The following LINGO2 variants were observed in gnomAD, a reference collection of about 807,000 sequenced individuals.
The protein encoded by LINGO2 is leucine rich repeat and Ig domain containing 2.
In LINGO2, 14 loss-of-function variants were observed where a neutral mutation model predicts 30.6. The ratio of observed to expected loss-of-function variants is 0.46; its 90% confidence interval spans 0.30 to 0.72. The LOEUF (loss-of-function observed/expected upper bound fraction) is 0.72. LINGO2 is among the 30% of genes least tolerant of loss of function. The pLI, the probability that LINGO2 is intolerant of heterozygous loss-of-function variation, is 0.07. For synonymous variants in LINGO2, 317 were observed against 288.5 expected (o/e 1.10, Z -1.00); for missense variants, 729 against 751.7 (o/e 0.97, Z 0.35).
At chr9:27,946,358 C>T (rs546155181), downstream of LINGO2, among the ~76,000 whole-genome samples, 19 of 152,074 alleles carry the variant, frequency 1.2e-4, no homozygotes, top group African/African-American at 4.1e-4. Context: ...AGTATGGGAC[C>T]GCTGAGAAAA....
chr9:29,126,253 G>T, the LINGO2 span, among the ~76,000 whole-genome samples: 894 of 136,726 alleles, frequency 6.5e-3, 8 homozygotes, highest in African/African-American at 0.023. Context: ...ATGTGGTTAA[G>T]TGTCAGATCC....
intron 1 of LINGO2, among the ~76,000 whole-genome samples, chr9:28,612,069 TTC>T (rs1675664316): frequency 6.6e-6 from 1 of 151,914 alleles, no homozygotes; most frequent in African/African-American, 2.4e-5. Flanking sequence ...ACGCCTGGGC[TTC>T]TTTTTTATTT....
At chr9:28,848,094 C>T in the LINGO2 span, among the ~76,000 whole-genome samples, 25 of 32,568 alleles carry the variant, frequency 7.7e-4, no homozygotes, top group South Asian at 2.8e-3. Flanking sequence ...ACTATATATA[C>T]GCATAGTGTA....
At chr9:29,186,859 A>C in the LINGO2 span, among the ~76,000 whole-genome samples, 3 of 152,162 alleles carry the variant, frequency 2.0e-5, no homozygotes, top group Non-Finnish European at 4.4e-5. Context: ...GAGATAAGAC[A>C]CACAGCATAG....
the LINGO2 span, among the ~76,000 whole-genome samples, chr9:29,112,925 A>G: frequency 2.0e-5 from 3 of 152,216 alleles, no homozygotes; most frequent in Non-Finnish European, 2.9e-5. Flanking sequence ...GGAAGATACT[A>G]ATATCATCCC....
intron 2 of LINGO2, among the ~76,000 whole-genome samples, chr9:28,392,707 C>G (rs1266707763): frequency 6.6e-6 from 1 of 152,034 alleles, no homozygotes; most frequent in African/African-American, 2.4e-5. Context: ...GTGACCAGTC[C>G]CATGTTGAGA....
chr9:28,831,386 C>T, the LINGO2 span, among the ~76,000 whole-genome samples: 1 of 152,088 alleles, frequency 6.6e-6, no homozygotes, highest in African/African-American at 2.4e-5. Flanking sequence ...AGTAAACACA[C>T]CCATGCAAGG....
intron 4 of LINGO2, among the ~76,000 whole-genome samples, chr9:28,084,976 T>C (rs1250660209): frequency 6.6e-6 from 1 of 152,138 alleles, no homozygotes; most frequent in African/African-American, 2.4e-5. Flanking sequence ...TGAATTGCTA[T>C]ATAAGGTACT....
chr9:29,034,914 G>T, the LINGO2 span, among the ~76,000 whole-genome samples: 1 of 151,954 alleles, frequency 6.6e-6, no homozygotes, highest in South Asian at 2.1e-4. Context: ...ACTTTTTATT[G>T]TTCCTACTTT....
chr9:29,073,553 C>T, the LINGO2 span, among the ~76,000 whole-genome samples: 2 of 152,192 alleles, frequency 1.3e-5, no homozygotes, highest in East Asian at 1.9e-4. Flanking sequence ...CAAATTTAAG[C>T]GTCAACAAAT....
intron 3 of LINGO2, among the ~76,000 whole-genome samples, chr9:28,347,100 T>C (rs1372449128): frequency 6.6e-6 from 1 of 152,124 alleles, no homozygotes; most frequent in Non-Finnish European, 1.5e-5. Flanking sequence ...TTTATATTCT[T>C]TCCCAAGGGC....
intron 3 of LINGO2, among the ~76,000 whole-genome samples, chr9:28,358,183 T>C (rs1820303020): frequency 6.6e-6 from 1 of 152,166 alleles, no homozygotes; most frequent in Non-Finnish European, 1.5e-5. Context: ...AGGCACTATT[T>C]TAATTGATTT....
At chr9:28,341,481 A>C (rs1237173895) in intron 3 of LINGO2, among the ~76,000 whole-genome samples, 1 of 152,132 alleles carries the variant, frequency 6.6e-6, no homozygotes, top group African/African-American at 2.4e-5. Flanking sequence ...TAGCCAAGAA[A>C]AGATGCACTT....
chr9:28,994,357 T>G, the LINGO2 span, among the ~76,000 whole-genome samples: 5 of 151,346 alleles, frequency 3.3e-5, no homozygotes, highest in Non-Finnish European at 7.4e-5. Context: ...CACTGCTCAA[T>G]GAAATAAAAG....
chr9:28,619,587 T>TA (rs1461663137), intron 1 of LINGO2, among the ~76,000 whole-genome samples: 2 of 152,142 alleles, frequency 1.3e-5, no homozygotes, highest in Admixed American at 1.3e-4. Flanking sequence ...GAAATAGATC[T>TA]AAAAAAAGCT....
chr9:29,036,082 T>G, the LINGO2 span, among the ~76,000 whole-genome samples: 1 of 152,034 alleles, frequency 6.6e-6, no homozygotes, highest in Non-Finnish European at 1.5e-5. Flanking sequence ...TTTAGACGCT[T>G]GCAACACCAT....
At chr9:28,011,208 G>A (rs578139117) in intron 5 of LINGO2, among the ~76,000 whole-genome samples, 3 of 152,174 alleles carry the variant, frequency 2.0e-5, no homozygotes, top group Admixed American at 6.5e-5. Context: ...AGTAAGGAAC[G>A]AAGGCTGAAT....
the LINGO2 span, among the ~76,000 whole-genome samples, chr9:28,713,856 TA>T: frequency 1.3e-5 from 2 of 151,830 alleles, no homozygotes; most frequent in Admixed American, 1.3e-4. Context: ...TAAAATACAA[TA>T]AAAATATATC....
At chr9:28,290,334 C>A (rs556528932) in intron 4 of LINGO2, among the ~76,000 whole-genome samples, 32 of 152,260 alleles carry the variant, frequency 2.1e-4, no homozygotes, top group African/African-American at 7.5e-4. Context: ...GTGCCCTACC[C>A]ATACCAACTT....
Sources: allele counts gnomAD v4.1 joint callset (sites outside exome capture counted in the v4.1 genomes callset), GRCh38; gene constraint gnomAD v4.1.1; transcripts MANE v1.5; gene names NCBI Gene and HGNC (gene_info 2026-07-23, HGNC 2026-07-21).